The following GCM2 variants were observed in gnomAD, a reference collection of about 807,000 sequenced individuals.
GCM2 encodes the protein chorion-specific transcription factor GCMb.
In GCM2, 21 loss-of-function variants were observed where a neutral mutation model predicts 24.8. The observed-to-expected ratio is 0.85, with a 90% confidence interval of 0.60 to 1.22. The LOEUF is 1.22. Among genes scored for constraint, GCM2 ranks in the 50% most tolerant of loss-of-function variants. GCM2 has a pLI of 0.00. For missense variants in GCM2, 532 were observed against 645.6 expected (o/e 0.82, Z 1.91); for synonymous variants, 222 against 238.0 (o/e 0.93, Z 0.62).
At chr6:10,875,021 C>G (rs1779857075) in intron 4 of GCM2, 88 bp from the exon 5 acceptor site, 1 of 936,384 alleles carries the variant, frequency 1.1e-6, no homozygotes, top group Non-Finnish European at 1.8e-6. Context: ...TAAGTAAAAA[C>G]AGACATCCAT....
At chr6:10,878,027 T>C (rs940789224) in intron 1 of GCM2, among the ~76,000 whole-genome samples, 1 of 152,290 alleles carries the variant, frequency 6.6e-6, no homozygotes, top group African/African-American at 2.4e-5. Flanking sequence ...CTCCCTACTC[T>C]CAACTTGGCT....
intron 1 of GCM2, among the ~76,000 whole-genome samples, chr6:10,881,389 C>G (rs1401618084): frequency 6.6e-6 from 1 of 152,036 alleles, no homozygotes; most frequent in Non-Finnish European, 1.5e-5. Flanking sequence ...AACTCCCGAC[C>G]TCAGATGATC....
At chr6:10,876,656 G>A (rs766977244) in intron 2 of GCM2, 99 bp from the exon 3 acceptor site, 37 of 852,546 alleles carry the variant, frequency 4.3e-5, no homozygotes, top group Non-Finnish European at 6.6e-5. Flanking sequence ...ATGCTCGGGC[G>A]CGGTGGCTCA....
Position 10,874,955 on chromosome 6 carries a change from A to AGACACACGCTATGTAAATCGTGTG in GCM2, c.583-46_583-23dup, listed in dbSNP as rs776078728. On this transcript the variant is annotated intron_variant, in intron 4 of 4. Transcript: ENST00000379491. ...CTGCCTAGAAAAATGATACAAACAT[A>AGACACACGCTATGTAAATCGTGTG]GACACACGCTATGTAAATCGTGTGG... The AGACACACGCTATGTAAATCGTGTG allele has an allele frequency of 9.9e-6, 15 of 1,514,226 alleles. No individual in the cohort carries two copies. In the African/African-American group the frequency reaches 1.9e-4, roughly 19 times the overall value. 93.8% of individuals were successfully genotyped at this position (1,514,226 alleles called of 1,614,324 possible).
chr6:10,881,977 T>C lies in GCM2; in HGVS notation c.-184A>G. ...ATCTGGAAGCTGGGGACAATGGTTA[T>C]GGACCCGGGCGGGGCCTTGTCCTTG... On this transcript the variant is annotated 5_prime_UTR_variant, in exon 1 of 5. Transcript: ENST00000379491. The C allele has an allele frequency of 3.2e-6, 2 of 632,472 alleles. No individual in the cohort carries two copies. The highest frequency in any genetic ancestry group is 3.6e-5 in the South Asian group (2 of 55,336). The allele number at this position is 632,472 out of a possible 1,614,324, so 39.2% of individuals were successfully genotyped here. A position where few individuals can be genotyped will look rare whatever the true frequency, so the allele number is the denominator to read the frequency against.
In GCM2 at chr6:10,874,230, G is replaced by C; in HGVS notation, c.1286C>G (p.Pro429Arg). The change falls in exon 5 of 5, where the codon CCC becomes CGC. Residue 429 changes from proline to arginine, a missense_variant. This residue lies in a region of GCM2 where 434 missense variants were observed against 521.9 expected (regional missense o/e 0.83). Coordinates refer to ENST00000379491, the MANE Select transcript of GCM2 (RefSeq NM_004752.4). ...GGTGACTGTCACCGGAGGACCCCAGGGTTCTGGATAGACAGACATCCCAGT... is the reference window on the plus strand; with the variant it reads ...GGTGACTGTCACCGGAGGACCCCAGCGTTCTGGATAGACAGACATCCCAGT... ...EDTGMSVYPE[P>R]WGPPVTVTRA... is the part of the protein sequence containing the mutation. 1.9e-6 allele frequency: 3 copies of C among 1,614,180 alleles called. No individual in the cohort carries two copies. The South Asian group carries it at 3.3e-5, about 18-fold the overall frequency.
rs930824118 is a variant in GCM2, at chr6:10,876,474, G to A, written c.427C>T (p.Arg143Trp). 3 of 1,613,088 alleles carry A rather than the reference G, an allele frequency of 1.9e-6. No homozygotes were observed. The highest frequency in any genetic ancestry group is 2.7e-5 in the African/African-American group (2 of 74,908). The change falls in exon 3 of 5, where the codon CGG (arginine) becomes TGG (tryptophan). Residue 143 changes from arginine to tryptophan, a missense_variant. Around this residue, in one of 3 missense-constraint regions of GCM2, gnomAD observed 434 missense variants for 521.9 expected, o/e 0.83. Transcript: ENST00000379491. ...HSGYPVTNFW[R>W]LDGNAIFFQA... ...AAAAAGATCGCGTTGCCATCAAGCC[G>A]CCAAAAGTTGGTTACGGGGTATCCG...
intron 1 of GCM2, 110 bp from the exon 2 acceptor site, chr6:10,877,502 C>A (rs1302393143): frequency 8.6e-7 from 1 of 1,165,232 alleles, no homozygotes; most frequent in Non-Finnish European, 1.3e-6. Context: ...CTTTTTAAAT[C>A]CAGTAACGTC....
chr6:10,880,238 A>G (rs1779939476), intron 1 of GCM2, among the ~76,000 whole-genome samples: 1 of 152,052 alleles, frequency 6.6e-6, no homozygotes, highest in African/African-American at 2.4e-5. Flanking sequence ...CTAGGCAACA[A>G]GAGCTAAACC....
chr6:10,881,772 C>G lies in GCM2; in HGVS notation c.22G>C (p.Glu8Gln), dbSNP rs748513242. 6.2e-7 allele frequency: 1 copy of G among 1,609,488 alleles called. No homozygotes were observed. The highest frequency in any genetic ancestry group is 8.5e-7 in the Non-Finnish European group (1 of 1,179,986). Residue 8 changes from glutamate to glutamine, a missense_variant, in exon 1 of 5, where the codon GAA becomes CAA. By Grantham distance (29) the Glu-to-Gln change is conservative. Coordinates refer to ENST00000379491, the MANE Select transcript of GCM2 (RefSeq NM_004752.4). ...CCGTAGGAGCACACGCCGACCGCTT[C>G]CTGCACCGCGGCCGCCGGCATCTGC... MPAAAVQ[E>Q]AVGVCSYGMQ...
At position 10,873,711 on chromosome 6, in the gene GCM2, AG is replaced by A. The variant is rs796803799; in HGVS notation, c.*283del. ...CTAATAAGCTAAGTGAACTTAGGTC[AG>A]TATTTAACCTCCTACAGTTTGCTTA... On this transcript the variant is annotated 3_prime_UTR_variant, in exon 5 of 5. Transcript: ENST00000379491. The A allele has an allele frequency of 7.1e-5, 32 of 448,530 alleles. No homozygotes were observed. The highest frequency in any genetic ancestry group is 6.6e-4 in the Middle Eastern group (1 of 1,508). 27.8% of individuals were successfully genotyped at this position (448,530 alleles called of 1,614,324 possible).
intron 1 of GCM2, among the ~76,000 whole-genome samples, chr6:10,878,405 G>A (rs1779912401): frequency 6.6e-6 from 1 of 151,858 alleles, no homozygotes; most frequent in Non-Finnish European, 1.5e-5. Context: ...TGCAACCTCC[G>A]CCTCCCAGGT....
At chr6:10,880,564 T>C (rs1406736223) in intron 1 of GCM2, among the ~76,000 whole-genome samples, 1 of 151,784 alleles carries the variant, frequency 6.6e-6, no homozygotes, top group Non-Finnish European at 1.5e-5. Context: ...CATCACTCAA[T>C]TTTGGCCCTA....
chr6:10,881,836 T>C lies in GCM2; in HGVS notation c.-43A>G, dbSNP rs755052530. The C allele has an allele frequency of 8.4e-6, 13 of 1,549,680 alleles. No individual in the cohort carries two copies. Among genetic ancestry groups the C allele is most frequent in the African/African-American group, 1.4e-5 (1 of 73,854 alleles). ...GCTTTCCGCCCAGGGTTCTGAAAAA[T>C]AGAAGAAAAAAGGACAGGTGCGCCA... is the stretch of plus-strand genomic sequence containing the variant. On this transcript the variant is annotated 5_prime_UTR_variant, in exon 1 of 5. Transcript: ENST00000379491.
At chr6:10,878,282 A>G (rs1440925857) in intron 1 of GCM2, among the ~76,000 whole-genome samples, 2 of 152,210 alleles carry the variant, frequency 1.3e-5, no homozygotes, top group Non-Finnish European at 2.9e-5. Flanking sequence ...ACTTTTGCAT[A>G]TAAGTTTCAT....
Position 10,873,831 on chromosome 6 carries a change from C to T in GCM2, c.*164G>A, listed in dbSNP as rs990891642. The T allele has an allele frequency of 4.4e-6, 3 of 686,536 alleles. No individual in the cohort carries two copies. The highest frequency in any genetic ancestry group is 3.5e-5 in the African/African-American group (2 of 56,790). The allele number at this position is 686,536 out of a possible 1,614,324, so 42.5% of individuals were successfully genotyped here. A position where few individuals can be genotyped will look rare whatever the true frequency, so the allele number is the denominator to read the frequency against. On this transcript the variant is annotated 3_prime_UTR_variant, in exon 5 of 5. Coordinates refer to ENST00000379491, the MANE Select transcript of GCM2 (RefSeq NM_004752.4). Reference sequence around the variant, plus strand: ...TGTGAAATTTCCCATATTATCTAATCATTTCCAACTGATTATTTTCTCAGT... The same window carrying T: ...TGTGAAATTTCCCATATTATCTAATTATTTCCAACTGATTATTTTCTCAGT...
chr6:10,881,786 G>A lies in GCM2; in HGVS notation c.8C>T (p.Ala3Val), dbSNP rs142356107. 4.4e-6 allele frequency: 7 copies of A among 1,607,110 alleles called. No individual in the cohort carries two copies. Among genetic ancestry groups the A allele is most frequent in the Admixed American group, 1.7e-5 (1 of 59,944 alleles). ...GCCGACCGCTTCCTGCACCGCGGCCGCCGGCATCTGCCCAACTCGCTCGCG... is the reference window on the plus strand; with the variant it reads ...GCCGACCGCTTCCTGCACCGCGGCCACCGGCATCTGCCCAACTCGCTCGCG... Reference protein sequence around the residue: MPAAAVQEAVGVC... With the variant: MPVAAVQEAVGVC... The change falls in exon 1 of 5, where the codon GCG (alanine) becomes GTG (valine). Residue 3 changes from alanine (A) to valine (V), a missense_variant. This residue lies in a region of GCM2 where 96 missense variants were observed against 103.5 expected (regional missense o/e 0.93). Coordinates refer to ENST00000379491, the MANE Select transcript of GCM2 (RefSeq NM_004752.4).
At position 10,873,720 on chromosome 6, in the gene GCM2, C is replaced by A. The variant is rs551033921; in HGVS notation, c.*275G>T. On this transcript the variant is annotated 3_prime_UTR_variant, in exon 5 of 5. Coordinates refer to ENST00000379491, the MANE Select transcript of GCM2 (RefSeq NM_004752.4). The stretch of plus-strand genomic sequence containing the variant: ...TAAGTGAACTTAGGTCAGTATTTAA[C>A]CTCCTACAGTTTGCTTATTTGTTCA... The A allele has an allele frequency of 2.6e-4, 121 of 473,780 alleles. 2 individuals carry two copies. The highest frequency in any genetic ancestry group is 2.5e-3 in the South Asian group (119 of 47,742). 29.3% of individuals were successfully genotyped at this position (473,780 alleles called of 1,614,324 possible). A position where few individuals can be genotyped will look rare whatever the true frequency, so the allele number is the denominator to read the frequency against.
rs1160896306 is a variant in GCM2 at position 10,873,630 on chromosome 6, T to C, written c.*365A>G. On this transcript the variant is annotated 3_prime_UTR_variant, in exon 5 of 5. Coordinates refer to ENST00000379491, the MANE Select transcript of GCM2 (RefSeq NM_004752.4). ...TCTAGGGATGTGAAATTCCCTAAGGTGCTCTAATGGGAAAAGTCCTAGAAT... is the reference window on the plus strand; with the variant it reads ...TCTAGGGATGTGAAATTCCCTAAGGCGCTCTAATGGGAAAAGTCCTAGAAT... 2 of 308,536 alleles carry C rather than the reference T, an allele frequency of 6.5e-6. No homozygotes were observed. The highest frequency in any genetic ancestry group is 6.3e-6 in the Non-Finnish European group (1 of 159,902). 19.1% of individuals were successfully genotyped at this position (308,536 alleles called of 1,614,324 possible).
Sources: gnomAD v4.1 joint callset for allele counts (sites outside exome capture counted in the v4.1 genomes callset) on GRCh38, gnomAD v4.1.1 for gene constraint, gnomAD v4.1.1 regional missense constraint, MANE v1.5 for transcripts, NCBI Gene and HGNC (gene_info 2026-07-23, HGNC 2026-07-21) for gene names.